The following USH2A variants were observed in gnomAD, a reference collection of about 807,000 sequenced individuals.
USH2A encodes the protein Usher syndrome 2A (autosomal recessive, mild).
Under a neutral mutation model 538.9 loss-of-function variants are expected in USH2A, and 443 were observed. The observed-to-expected ratio is 0.82, with a 90% CI of 0.76 to 0.89. The LOEUF (loss-of-function observed/expected upper bound fraction) is 0.89. Ranked by LOEUF, USH2A falls within the 40% of genes least tolerant of loss-of-function variation. USH2A has a pLI of 0.00. For missense variants in USH2A, 6,633 were observed against 6,324.8 expected (o/e 1.05, Z -1.65); for synonymous variants, 2,413 against 2,273.5 (o/e 1.06, Z -1.75).
At chr1:216,366,855 G>A (rs1571746154) in intron 3 of USH2A, among the ~76,000 whole-genome samples, 1 of 152,010 alleles carries the variant, frequency 6.6e-6, no homozygotes, top group African/African-American at 2.4e-5. Flanking sequence ...GGGTAGTAGG[G>A]CTGCATTTTT....
intron 37 of USH2A, among the ~76,000 whole-genome samples, chr1:215,935,600 T>C (rs1216106618): frequency 6.6e-6 from 1 of 152,022 alleles, no homozygotes; most frequent in Admixed American, 6.6e-5. Flanking sequence ...TACTTCTGCC[T>C]AGTAACAGTG....
chr1:216,413,223 G>A (rs996886693), intron 3 of USH2A, among the ~76,000 whole-genome samples: 6 of 151,808 alleles, frequency 4.0e-5, no homozygotes, highest in African/African-American at 1.4e-4. Flanking sequence ...CAGAGTCAGA[G>A]CTAAATGCAA....
At position 216,046,528 on chromosome 1, in the gene USH2A, G is replaced by A. The variant is rs1407720499; in HGVS notation, c.6228C>T (p.Asn2076=). The A allele has an allele frequency of 1.2e-6, 2 of 1,613,854 alleles. No homozygotes were observed. Among genetic ancestry groups the A allele is most frequent in the East Asian group, 2.2e-5 (1 of 44,862 alleles). Residue 2076 remains asparagine (N), a synonymous_variant, in exon 32 of 72, where the codon AAC becomes AAT. Coordinates refer to ENST00000307340, the MANE Select transcript of USH2A (RefSeq NM_206933.4). ...SLPSSLLLSW[N]PPKKANGIIT... ...TAATACCATTTGCCTTTTTGGGTGG[G>A]TTCCAGGAGAGCAGCAAAGAACTGG...
chr1:216,278,411 T>C (rs1312180001), intron 11 of USH2A, among the ~76,000 whole-genome samples: 5 of 152,180 alleles, frequency 3.3e-5, no homozygotes, highest in Non-Finnish European at 5.9e-5. Context: ...TCCCTTCTTT[T>C]CCCATTTATA....
intron 1 of USH2A, among the ~76,000 whole-genome samples, 158 bp downstream of exon 1, chr1:216,423,056 G>T (rs2039705946): frequency 6.6e-6 from 1 of 152,152 alleles, no homozygotes. Context: ...TTTAAGCTCA[G>T]AGTAAAGCTG....
chr1:216,136,547 G>A (rs1316056444), intron 21 of USH2A, among the ~76,000 whole-genome samples: 1 of 152,040 alleles, frequency 6.6e-6, no homozygotes, highest in African/African-American at 2.4e-5. Context: ...CAGTTATGCA[G>A]TATGATTATA....
chr1:216,192,230 T>A (rs575432595), intron 19 of USH2A, among the ~76,000 whole-genome samples: 241 of 152,246 alleles, frequency 1.6e-3, no homozygotes, highest in Non-Finnish European at 1.6e-3. Flanking sequence ...TAGTAGATTT[T>A]CCCTGGGAAT....
chr1:215,779,587 T>C (rs1661562861), intron 55 of USH2A, among the ~76,000 whole-genome samples: 1 of 152,222 alleles, frequency 6.6e-6, no homozygotes, highest in African/African-American at 2.4e-5. Context: ...AAGTTAATAC[T>C]GATGCAAAAA....
intron 21 of USH2A, among the ~76,000 whole-genome samples, chr1:216,153,314 C>T (rs1216109424): frequency 6.6e-6 from 1 of 152,184 alleles, no homozygotes; most frequent in Non-Finnish European, 1.5e-5. Context: ...GCACCCACCC[C>T]TAGATACTAC....
At chr1:216,372,999 A>G (rs2038743747) in intron 3 of USH2A, among the ~76,000 whole-genome samples, 4 of 152,162 alleles carry the variant, frequency 2.6e-5, no homozygotes, top group Admixed American at 2.6e-4. Context: ...TATAACTACA[A>G]TGTCCTCTCC....
chr1:215,767,429 C>A (rs145491077), intron 55 of USH2A, among the ~76,000 whole-genome samples: 109 of 152,244 alleles, frequency 7.2e-4, no homozygotes, highest in African/African-American at 2.4e-3. Flanking sequence ...TAACGCTAAC[C>A]AACACTTTTG....
chr1:216,185,047 G>A (rs1572028839), intron 20 of USH2A, among the ~76,000 whole-genome samples: 2 of 152,016 alleles, frequency 1.3e-5, no homozygotes, highest in African/African-American at 4.8e-5. Flanking sequence ...GGGTGGAAAT[G>A]CACAAATTTC....
intron 38 of USH2A, among the ~76,000 whole-genome samples, chr1:215,926,000 A>T (rs1002557920): frequency 6.6e-6 from 1 of 152,200 alleles, no homozygotes; most frequent in Admixed American, 6.6e-5. Flanking sequence ...CCTGGGTGAC[A>T]GAGCGAGACT....
chr1:216,205,022 C>A (rs1044330362), intron 16 of USH2A, among the ~76,000 whole-genome samples: 1 of 152,068 alleles, frequency 6.6e-6, no homozygotes, highest in Admixed American at 6.5e-5. Context: ...TTAGTGCAAT[C>A]GTCAAAAACA....
rs910211433 is a variant in USH2A, at chr1:216,199,629, T to C, written c.3809A>G (p.Asn1270Ser). ...GAATCTCAGCCTTGGATTCTTACCA[T>C]TTAGTTCCGCTGGTGGAGACCATTC... ...HVEWSPPAEL[N>S]GIIIRYELYM... The change falls in exon 17 of 72, where the codon AAT becomes AGT. Residue 1270 changes from asparagine to serine, a missense_variant and splice_region_variant. Physicochemically the swap from Asn to Ser is conservative, Grantham distance 46. Coordinates refer to ENST00000307340, the MANE Select transcript of USH2A (RefSeq NM_206933.4). 35 of 1,613,974 alleles carry C rather than the reference T, an allele frequency of 2.2e-5. No individual in the cohort carries two copies. Among genetic ancestry groups the C allele is most frequent in the Non-Finnish European group, 2.8e-5 (33 of 1,179,974 alleles).
chr1:215,636,942 C>T (rs998742041), intron 69 of USH2A, among the ~76,000 whole-genome samples: 4 of 152,008 alleles, frequency 2.6e-5, no homozygotes, highest in African/African-American at 4.8e-5. Context: ...CATGAGCCAA[C>T]GGGGGATTTC....
intron 3 of USH2A, among the ~76,000 whole-genome samples, chr1:216,395,469 G>A (rs908470661): frequency 2.0e-5 from 3 of 151,820 alleles, no homozygotes; most frequent in Non-Finnish European, 2.9e-5. Context: ...TTCATTTTTT[G>A]CCCCTATTTT....
chr1:215,902,829 T>C (rs1039215603), intron 38 of USH2A, among the ~76,000 whole-genome samples: 1 of 152,084 alleles, frequency 6.6e-6, no homozygotes, highest in African/African-American at 2.4e-5. Context: ...TGGTTGTGTT[T>C]AAGGAACAGT....
chr1:215,846,129 A>T, intron 44 of USH2A, 96 bp from the exon 45 acceptor site: 2 of 1,189,832 alleles, frequency 1.7e-6, no homozygotes, highest in South Asian at 2.7e-5. Flanking sequence ...AGAAAAAAAG[A>T]AGTTTAGAGA....
Sources: gnomAD v4.1 joint callset for allele counts (sites outside exome capture counted in the v4.1 genomes callset) on GRCh38, gnomAD v4.1.1 for gene constraint, MANE v1.5 for transcripts, NCBI Gene and HGNC (gene_info 2026-07-23, HGNC 2026-07-21) for gene names.